Variants in DAB1 observed in about 807,000 individuals in gnomAD.
DAB1 encodes the protein DAB adaptor protein 1, also known as disabled homolog 1.
In DAB1, 15 loss-of-function variants were observed where a neutral mutation model predicts 64.6. That is an observed-to-expected ratio of 0.23 (90% confidence interval 0.16 to 0.36). DAB1 has a LOEUF of 0.36. Among genes scored for constraint, DAB1 ranks in the 10% least tolerant of loss-of-function variants. The pLI is 1.00. For synonymous variants in DAB1, 235 were observed against 251.9 expected (o/e 0.93, Z 0.64); for missense variants, 596 against 706.7 (o/e 0.84, Z 1.78).
chr1:58,121,569 C>T (rs929733853), intron 5 of DAB1, among the ~76,000 whole-genome samples: 1 of 152,156 alleles, frequency 6.6e-6, no homozygotes, highest in Non-Finnish European at 1.5e-5. Flanking sequence ...ACACCCCTCA[C>T]TCTTTCTTAG....
intron 1 of DAB1, among the ~76,000 whole-genome samples, chr1:57,883,482 A>C (rs1384389607): frequency 1.3e-5 from 2 of 152,230 alleles, no homozygotes; most frequent in Non-Finnish European, 2.9e-5. Context: ...CACAACCCAG[A>C]GTGCCTGGTG....
chr1:57,010,584 T>G (rs1646233132), intron 14 of DAB1, 96 bp downstream of exon 14: 2 of 589,212 alleles, frequency 3.4e-6, no homozygotes, highest in Non-Finnish European at 5.8e-6. Context: ...GGAGACATGG[T>G]GCAAACATTG....
intron 6 of DAB1, among the ~76,000 whole-genome samples, chr1:57,820,584 C>T (rs74931202): frequency 1.7e-3 from 256 of 152,236 alleles, no homozygotes; most frequent in African/African-American, 5.8e-3. Context: ...AAATACATTT[C>T]GAATGTGTCA....
intron 4 of DAB1, among the ~76,000 whole-genome samples, chr1:58,207,448 C>A (rs1658339205): frequency 6.6e-6 from 1 of 152,158 alleles, no homozygotes; most frequent in Non-Finnish European, 1.5e-5. Flanking sequence ...GCTCAGCAAG[C>A]AATGTGCTCA....
intron 3 of DAB1, among the ~76,000 whole-genome samples, chr1:58,498,153 TG>T: frequency 6.6e-6 from 1 of 152,178 alleles, no homozygotes; most frequent in Middle Eastern, 3.4e-3. Flanking sequence ...TATCAGTGGG[TG>T]AAAAATAGGG....
intron 7 of DAB1, among the ~76,000 whole-genome samples, chr1:57,585,407 A>T (rs1433818552): frequency 6.6e-6 from 1 of 152,216 alleles, no homozygotes; most frequent in Non-Finnish European, 1.5e-5. Context: ...ATTTTTTTAA[A>T]CTCACAAGAT....
At chr1:57,439,088 A>G (rs2101128347) in intron 7 of DAB1, among the ~76,000 whole-genome samples, 1 of 152,244 alleles carries the variant, frequency 6.6e-6, no homozygotes, top group East Asian at 1.9e-4. Context: ...GTCTAACTAG[A>G]CCGAGTCTCA....
chr1:58,294,566 T>TA (rs1243028766), intron 4 of DAB1, among the ~76,000 whole-genome samples: 1 of 152,202 alleles, frequency 6.6e-6, no homozygotes, highest in Non-Finnish European at 1.5e-5. Context: ...TTGAGGAGCT[T>TA]ACCATCTAGT....
At chr1:58,285,925 G>T (rs1450117551) in intron 4 of DAB1, among the ~76,000 whole-genome samples, 1 of 152,132 alleles carries the variant, frequency 6.6e-6, no homozygotes, top group East Asian at 1.9e-4. Context: ...ACACTACAAG[G>T]CCACAGTAAC....
intron 7 of DAB1, among the ~76,000 whole-genome samples, chr1:57,454,217 A>G (rs11806705): frequency 0.024 from 3,661 of 152,086 alleles, 157 homozygotes; most frequent in African/African-American, 0.084. Context: ...TTGAAAGGGG[A>G]GTTATAATTC....
chr1:57,749,648 T>C (rs1242736945), intron 6 of DAB1, among the ~76,000 whole-genome samples: 1 of 152,134 alleles, frequency 6.6e-6, no homozygotes, highest in Non-Finnish European at 1.5e-5. Flanking sequence ...TTAATCCATG[T>C]GGCAATTTGA....
intron 5 of DAB1, among the ~76,000 whole-genome samples, chr1:58,147,306 CAAAAAAA>C (rs1192982112): frequency 1.9e-4 from 8 of 41,674 alleles, no homozygotes; most frequent in Middle Eastern, 0.017. Context: ...GACTCCGTCT[CAAAAAAA>C]AAAAAAAAAA....
At chr1:57,953,960 CT>C (rs1273144833) in intron 5 of DAB1, among the ~76,000 whole-genome samples, 4 of 152,102 alleles carry the variant, frequency 2.6e-5, no homozygotes, top group African/African-American at 9.7e-5. Context: ...CACCAACTCC[CT>C]TTTTGGTTTT....
At chr1:57,587,231 T>A (rs1231790258) in intron 7 of DAB1, among the ~76,000 whole-genome samples, 3 of 152,242 alleles carry the variant, frequency 2.0e-5, no homozygotes, top group Non-Finnish European at 4.4e-5. Context: ...ACCATGAGAA[T>A]TCTTCCATCA....
At chr1:58,090,946 C>T (rs1182852749) in intron 5 of DAB1, among the ~76,000 whole-genome samples, 1 of 152,170 alleles carries the variant, frequency 6.6e-6, no homozygotes, top group Non-Finnish European at 1.5e-5. Context: ...CTGAATAAGT[C>T]GGTTCAGTGC....
rs574124564 is a variant in DAB1, at chr1:57,491,360, G to A, written n.625+158232C>T. The stretch of plus-strand genomic sequence containing the variant: ...GGAGAATGGCGTGAACCCGGGAGGC[G>A]GAGCTTGCAGTGAGCCGAGATTGCG... On this transcript the variant is annotated intron_variant and non_coding_transcript_variant, in intron 7 of 20. Coordinates refer to the DAB1 transcript ENST00000485760. Among the ~76,000 whole-genome samples, 7 of 152,138 alleles carry A rather than the reference G, an allele frequency of 4.6e-5. No individual in the cohort carries two copies. In the South Asian group the frequency reaches 6.2e-4, roughly 14 times the overall value.
chr1:57,663,569 T>C (rs1646412088), intron 6 of DAB1, among the ~76,000 whole-genome samples: 1 of 152,204 alleles, frequency 6.6e-6, no homozygotes, highest in Non-Finnish European at 1.5e-5. Flanking sequence ...ACTTTGTTAA[T>C]TACAAATTTT....
intron 9 of DAB1, among the ~76,000 whole-genome samples, chr1:57,028,522 A>G (rs778407148): frequency 6.6e-6 from 1 of 152,226 alleles, no homozygotes; most frequent in Non-Finnish European, 1.5e-5. Context: ...TAACAGGCAG[A>G]GGTTGAAACA....
At chr1:57,033,475 T>C (rs2100435531) in intron 9 of DAB1, 1 of 1,612,500 alleles carries the variant, frequency 6.2e-7, no homozygotes, top group Non-Finnish European at 8.5e-7. Context: ...AAATGAATGA[T>C]GAGAAAATGA....
Sources: gnomAD v4.1 joint callset for allele counts (sites outside exome capture counted in the v4.1 genomes callset) on GRCh38, gnomAD v4.1.1 for gene constraint, MANE v1.5 for transcripts, NCBI Gene and HGNC (gene_info 2026-07-23, HGNC 2026-07-21) for gene names.